AKAP8L: variants seen among roughly 807,000 people sequenced by gnomAD.
AKAP8L encodes the protein A-kinase anchor protein 8-like.
AKAP8L carries 34 observed loss-of-function variants against 77.5 expected under a neutral mutation model. That is an observed-to-expected ratio of 0.44 (90% CI 0.33 to 0.58). The LOEUF (loss-of-function observed/expected upper bound fraction) is 0.58, where lower values mean the gene tolerates loss of function less well. Ranked by LOEUF, AKAP8L falls within the 20% of genes least tolerant of loss-of-function variation. The pLI is 0.02. For synonymous variants in AKAP8L, 342 were observed against 340.7 expected, an observed-to-expected ratio of 1.00 and a Z score of -0.04; for missense variants, 806 against 887.6, an observed-to-expected ratio of 0.91 and a Z score of 1.17.
intron 1 of AKAP8L, among the ~76,000 whole-genome samples, chr19:15,415,359 G>A (rs887962227): frequency 6.6e-6 from 1 of 152,086 alleles, no homozygotes; most frequent in East Asian, 1.9e-4. Context: ...CTTGAGCACA[G>A]GAGGGCGAGG....
intron 12 of AKAP8L, among the ~76,000 whole-genome samples, chr19:15,389,924 T>TA (rs34605715): frequency 0.79 from 120,693 of 151,930 alleles, 48,169 homozygotes; most frequent in East Asian, 0.99. Flanking sequence ...AATATTAGGT[T>TA]AAAGCCGACT....
intron 4 of AKAP8L, among the ~76,000 whole-genome samples, chr19:15,402,396 T>C (rs764634977): frequency 7.9e-5 from 12 of 152,100 alleles, no homozygotes; most frequent in Admixed American, 5.9e-4. Context: ...TTGCACACTC[T>C]TCCCTAAACC....
At chr19:15,400,631 G>C in intron 7 of AKAP8L, 163 bp downstream of exon 7, 1 of 908,358 alleles carries the variant, frequency 1.1e-6, no homozygotes, top group South Asian at 1.6e-5. Flanking sequence ...TGTGCCTCCA[G>C]CTAGGCAGCC....
At chr19:15,406,362 G>GGGGAGAGAGAGAGAGAGAGA (rs1555700853) in intron 2 of AKAP8L, among the ~76,000 whole-genome samples, 2 of 89,380 alleles carry the variant, frequency 2.2e-5, no homozygotes, top group African/African-American at 1.0e-4. Flanking sequence ...GAAATTTTAA[G>GGGGAGAGAGAGAGAGAGAGA]GAGAGAGAGA....
At chr19:15,385,552 T>C (rs1278715073) in intron 12 of AKAP8L, among the ~76,000 whole-genome samples, 2 of 152,140 alleles carry the variant, frequency 1.3e-5, no homozygotes, top group Admixed American at 6.5e-5. Context: ...GTATCATACA[T>C]AGGGATCACT....
chr19:15,410,587 G>C lies in AKAP8L; in HGVS notation c.21C>G (p.Val7=). Residue 7 remains valine, a synonymous_variant, in exon 2 of 14, where the codon GTC becomes GTG. Transcript: ENST00000397410. MSYTGF[V]QGSETTLQST... is the part of the protein sequence containing the mutation. The stretch of plus-strand genomic sequence containing the variant: ...ACTGCAAAGTGGTTTCAGATCCCTG[G>C]ACAAAGCCTAAACATAAAGACAGTG... 1 of 1,591,248 alleles carries C rather than the reference G, an allele frequency of 6.3e-7. No homozygotes were observed. Among genetic ancestry groups the C allele is most frequent in the African/African-American group, 1.3e-5 (1 of 74,656 alleles).
chr19:15,413,376 A>C (rs1328445455), intron 1 of AKAP8L, among the ~76,000 whole-genome samples: 1 of 152,224 alleles, frequency 6.6e-6, no homozygotes, highest in Non-Finnish European at 1.5e-5. Flanking sequence ...TTAAGCTAGA[A>C]TTCCAAAATA....
chr19:15,408,887 G>GA (rs956187966), intron 2 of AKAP8L, among the ~76,000 whole-genome samples: 2 of 149,192 alleles, frequency 1.3e-5, no homozygotes, highest in African/African-American at 2.5e-5. Flanking sequence ...AAAAAAAAAA[G>GA]AAAGAAAAAA....
rs1372921444 is a variant in AKAP8L, at chr19:15,403,747, G to C, written c.122-32C>G. On this transcript the variant is annotated intron_variant, in intron 3 of 13. Transcript: ENST00000397410. The surrounding 1 kb of genome is among the most constrained non-coding windows in gnomAD (Gnocchi z 4.3). Reference sequence around the variant, plus strand: ...TGAGGGAGACAGAGACAGACAGATGGTGGGGGCAGGCAGAGGGGAGGCAGA... The same window carrying C: ...TGAGGGAGACAGAGACAGACAGATGCTGGGGGCAGGCAGAGGGGAGGCAGA... 3 of 1,516,830 alleles carry C rather than the reference G, an allele frequency of 2.0e-6. No homozygotes were observed. Among genetic ancestry groups the C allele is most frequent in the Non-Finnish European group, 2.7e-6 (3 of 1,113,006 alleles). The allele number at this position is 1,516,830 out of a possible 1,614,324, so 94.0% of individuals were successfully genotyped here.
rs887621784 is a variant in AKAP8L at position 15,385,168 on chromosome 19, G to A, written c.1537-4556C>T. On this transcript the variant is annotated intron_variant, in intron 12 of 13. Transcript: ENST00000397410. ...AATTTTTTGTGTTTTTAGTAGAGACGGGGTTTCACCGTTTTAGCCGGGATG... is the reference window on the plus strand; with the variant it reads ...AATTTTTTGTGTTTTTAGTAGAGACAGGGTTTCACCGTTTTAGCCGGGATG... 7.9e-5 allele frequency among the ~76,000 whole-genome samples: 12 copies of A among 152,140 alleles called. No individual in the cohort carries two copies. The South Asian group carries it at 1.9e-3, about 24-fold the overall frequency.
intron 2 of AKAP8L, among the ~76,000 whole-genome samples, chr19:15,409,694 A>C (rs1968071428): frequency 6.6e-6 from 1 of 152,204 alleles, no homozygotes; most frequent in African/African-American, 2.4e-5. Flanking sequence ...CACAGCACAC[A>C]AACAAAACAG....
chr19:15,412,634 C>T (rs1968126998), intron 1 of AKAP8L, among the ~76,000 whole-genome samples: 1 of 152,180 alleles, frequency 6.6e-6, no homozygotes, highest in Non-Finnish European at 1.5e-5. Flanking sequence ...CTCCACCTCC[C>T]GGGTTCAAGC....
chr19:15,405,907 G>C (rs1158903434), intron 2 of AKAP8L, among the ~76,000 whole-genome samples: 2 of 151,732 alleles, frequency 1.3e-5, no homozygotes, highest in East Asian at 3.9e-4. Flanking sequence ...AGGCGACCGA[G>C]CGAGACTCTG....
At chr19:15,395,666 A>G (rs896916990) in intron 12 of AKAP8L, among the ~76,000 whole-genome samples, 3 of 151,274 alleles carry the variant, frequency 2.0e-5, no homozygotes, top group Non-Finnish European at 4.4e-5. Context: ...GCAGTCTTCT[A>G]ACCCCTACTA....
Position 15,401,109 on chromosome 19 carries a change from G to A in AKAP8L, c.816+41C>T. The A allele has an allele frequency of 1.9e-6, 3 of 1,606,970 alleles. No individual in the cohort carries two copies. The highest frequency in any genetic ancestry group is 2.5e-6 in the Non-Finnish European group (3 of 1,179,620). On this transcript the variant is annotated intron_variant, in intron 5 of 13. Coordinates refer to ENST00000397410, the MANE Select transcript of AKAP8L (RefSeq NM_014371.4). This position sits in a 1 kb window ranked among gnomAD's most constrained non-coding sequence, Gnocchi z 6.2. ...ACCCGGCCCTTAGCTCCGCCCCAGTGGGAACTAAGCTTCCCAGAGGGGAAG... is the reference window on the plus strand; with the variant it reads ...ACCCGGCCCTTAGCTCCGCCCCAGTAGGAACTAAGCTTCCCAGAGGGGAAG...
chr19:15,418,803 G>C, intron 1 of AKAP8L, 108 bp downstream of exon 1: 1 of 1,115,670 alleles, frequency 9.0e-7, no homozygotes, highest in Non-Finnish European at 1.3e-6. Context: ...TGACCGCAGG[G>C]AAGGCAGTGA....
At chr19:15,387,634 T>A (rs1463364707) in intron 12 of AKAP8L, among the ~76,000 whole-genome samples, 1 of 151,972 alleles carries the variant, frequency 6.6e-6, no homozygotes, top group East Asian at 1.9e-4. Flanking sequence ...ACTCCCTGGG[T>A]TCAGAATAAA....
At chr19:15,414,662 G>C (rs1271464858) in intron 1 of AKAP8L, among the ~76,000 whole-genome samples, 1 of 151,854 alleles carries the variant, frequency 6.6e-6, no homozygotes, top group African/African-American at 2.4e-5. Context: ...CTAATTTTTT[G>C]TATTTTTCAC....
At chr19:15,406,540 C>A (rs1968005448) in intron 2 of AKAP8L, among the ~76,000 whole-genome samples, 1 of 152,046 alleles carries the variant, frequency 6.6e-6, no homozygotes, top group Admixed American at 6.5e-5. Context: ...GATCACAGCT[C>A]ACTGCATCCT....
Sources: gnomAD v4.1 joint callset for allele counts (sites outside exome capture counted in the v4.1 genomes callset) on GRCh38, gnomAD v4.1.1 for gene constraint, Gnocchi (gnomAD v3.1) non-coding constraint, MANE v1.5 for transcripts, NCBI Gene and HGNC (gene_info 2026-07-23, HGNC 2026-07-21) for gene names.